Variants in MYCBP2 observed in about 807,000 individuals in gnomAD.
MYCBP2 encodes MYC binding protein 2, also known as E3 ubiquitin-protein ligase MYCBP2.
MYCBP2 carries 120 observed loss-of-function variants against 525.3 expected under a neutral mutation model. That is an observed-to-expected ratio of 0.23 (90% CI 0.20 to 0.27). The LOEUF is 0.27. Among genes scored for constraint, MYCBP2 ranks in the 10% least tolerant of loss-of-function variants. The pLI, the probability that MYCBP2 is intolerant of heterozygous loss-of-function variation, is 1.00. For missense variants in MYCBP2, 4,149 were observed against 5,657.1 expected, an observed-to-expected ratio of 0.73 and a Z score of 8.55; for synonymous variants, 1,894 against 1,955.8, an observed-to-expected ratio of 0.97 and a Z score of 0.83.
At chr13:77,068,949 C>T (rs2040646284) in intron 69 of MYCBP2, 118 bp from the exon 70 acceptor site, 2 of 978,536 alleles carry the variant, frequency 2.0e-6, no homozygotes, top group African/African-American at 3.3e-5. Context: ...CAATTTAATA[C>T]TATTCTCCCA....
intron 18 of MYCBP2, 38 bp downstream of exon 18, chr13:77,233,118 G>A: frequency 6.4e-7 from 1 of 1,553,536 alleles, no homozygotes; most frequent in Non-Finnish European, 8.8e-7. Flanking sequence ...AAGAAATTGG[G>A]AAAGTATCCC....
In MYCBP2 at chr13:77,174,419, G is replaced by A; in HGVS notation, c.5543C>T (p.Thr1848Ile). The change falls in exon 37 of 83, where the codon ACC (threonine) becomes ATC (isoleucine). Residue 1848 changes from threonine (T) to isoleucine (I), a missense_variant. By Grantham distance (89) the Thr-to-Ile change is moderately conservative. Coordinates refer to ENST00000544440, the MANE Select transcript of MYCBP2 (RefSeq NM_015057.5). ...SRTANGDGGM[T>I]TVQCPDGVTF... is the part of the protein sequence containing the mutation. The stretch of plus-strand genomic sequence containing the variant: ...CACACCATCAGGGCACTGAACTGTG[G>A]TCATTCCTCCATCTCCATTGGCTGT... The A allele has an allele frequency of 6.2e-7, 1 of 1,614,096 alleles. No homozygotes were observed. Among genetic ancestry groups the A allele is most frequent in the Non-Finnish European group, 8.5e-7 (1 of 1,180,002 alleles).
At chr13:77,095,869 T>A (rs568018121) in intron 57 of MYCBP2, among the ~76,000 whole-genome samples, 2 of 152,244 alleles carry the variant, frequency 1.3e-5, no homozygotes, top group East Asian at 1.9e-4. Flanking sequence ...TTCATTTTTT[T>A]AAAAAGTAAA....
Position 77,077,351 on chromosome 13 carries a change from TTGTTACCCAGCCAA to T in MYCBP2, c.11507_11520del (p.Ile3836LysfsTer2), listed in dbSNP as rs1414267824. On this transcript the variant is annotated frameshift_variant, in exon 67 of 83. Coordinates refer to ENST00000544440, the MANE Select transcript of MYCBP2 (RefSeq NM_015057.5). LOFTEE classifies it high-confidence loss of function. ...TGATTATCCCCTCCTGGAAGTTCAC[TTGTTACCCAGCCAA>T]TGTGCCTGGAATCCAGATCAACCTG... 6.2e-7 allele frequency: 1 copy of T among 1,614,036 alleles called. No individual in the cohort carries two copies. Among genetic ancestry groups the T allele is most frequent in the East Asian group, 2.2e-5 (1 of 44,890 alleles).
In MYCBP2 at chr13:77,271,496, G is replaced by C. The variant is rs79231242; in HGVS notation, c.946-958C>G. 5.5e-3 allele frequency among the ~76,000 whole-genome samples: 841 copies of C among 152,164 alleles called. 5 individuals carry two copies. The highest frequency in any genetic ancestry group is 0.019 in the African/African-American group (782 of 41,430). ...AGAGTTACACATACTCATATGGTTT[G>C]GTTGTGTTCCCACTCAAATCTCATC... On this transcript the variant is annotated intron_variant, in intron 5 of 82. Transcript: ENST00000544440.
At chr13:77,244,607 A>G (rs1009285151) in intron 15 of MYCBP2, among the ~76,000 whole-genome samples, 9 of 152,258 alleles carry the variant, frequency 5.9e-5, no homozygotes, top group Non-Finnish European at 1.5e-5. Context: ...AGGCATGGGC[A>G]AAGACTTCAT....
intron 14 of MYCBP2, among the ~76,000 whole-genome samples, chr13:77,253,374 C>T (rs948594782): frequency 4.0e-5 from 6 of 151,754 alleles, no homozygotes; most frequent in African/African-American, 1.5e-4. Context: ...CATCCAAATG[C>T]CCAAATACTA....
At chr13:77,265,940 G>C (rs1261261460) in intron 8 of MYCBP2, among the ~76,000 whole-genome samples, 2 of 152,120 alleles carry the variant, frequency 1.3e-5, no homozygotes, top group East Asian at 3.8e-4. Flanking sequence ...CTGAAGTTTG[G>C]TTCATTCTTC....
rs149800496 is a variant in MYCBP2, at chr13:77,144,252, G to A, written c.7303+193C>T. ...TCATGAGGGCTACAGTGCCTGGGCG[G>A]ACACCAGAAATTATTACAAAATGTT... On this transcript the variant is annotated intron_variant, in intron 49 of 82. Transcript: ENST00000544440. The A allele has an allele frequency of 2.6e-3, 1,450 of 562,458 alleles. 23 individuals carry two copies. The highest frequency in any genetic ancestry group is 0.018 in the South Asian group (837 of 47,730). The allele number at this position is 562,458 out of a possible 1,614,324, so 34.8% of individuals were successfully genotyped here.
intron 62 of MYCBP2, among the ~76,000 whole-genome samples, chr13:77,085,546 C>T (rs1202057939): frequency 6.6e-6 from 1 of 152,210 alleles, no homozygotes; most frequent in East Asian, 1.9e-4. Flanking sequence ...GCCACAAATT[C>T]TCTGTCGCTC....
chr13:77,115,353 TA>T (rs2049548315), intron 55 of MYCBP2, among the ~76,000 whole-genome samples: 1 of 151,912 alleles, frequency 6.6e-6, no homozygotes, highest in Non-Finnish European at 1.5e-5. Flanking sequence ...CTAAAAACTA[TA>T]TAATTAGTTT....
In MYCBP2 at chr13:77,070,154, AG is replaced by A. The variant is rs2040925840; in HGVS notation, c.11904+476del. Among the ~76,000 whole-genome samples, 3 of 152,354 alleles carry A rather than the reference AG, an allele frequency of 2.0e-5. No individual in the cohort carries two copies. The South Asian group carries it at 6.2e-4, about 32-fold the overall frequency. ...AATCTACCCATAACAAATAGCAGCA[AG>A]GTAAGCAAGTTTTCATAAGTAAAAT... On this transcript the variant is annotated intron_variant, in intron 69 of 82. Transcript: ENST00000544440.
intron 27 of MYCBP2, among the ~76,000 whole-genome samples, chr13:77,193,450 T>C (rs1409156863): frequency 6.6e-6 from 1 of 152,174 alleles, no homozygotes; most frequent in African/African-American, 2.4e-5. Flanking sequence ...AAGGTTTTCC[T>C]AACATAGTTA....
intron 79 of MYCBP2, among the ~76,000 whole-genome samples, chr13:77,056,110 G>GTGTA (rs2037962929): frequency 7.9e-6 from 1 of 126,818 alleles, no homozygotes; most frequent in African/African-American, 2.8e-5. Flanking sequence ...GTGTGTGTGT[G>GTGTA]TGTGTGTGTG....
intron 23 of MYCBP2, among the ~76,000 whole-genome samples, chr13:77,209,706 T>A (rs1466390930): frequency 6.6e-6 from 1 of 152,232 alleles, no homozygotes; most frequent in Non-Finnish European, 1.5e-5. Context: ...GCCAGGGAGA[T>A]GTAATTGATT....
chr13:77,141,946 G>A lies in MYCBP2; in HGVS notation c.7304-1003C>T, dbSNP rs189374632. On this transcript the variant is annotated intron_variant, in intron 49 of 82. Transcript: ENST00000544440. ...GGAGAAAACTTAGGAAGAAGAGCAG[G>A]GAAGTTGAGTATGGAAGAAAATGGA... 9.8e-4 allele frequency among the ~76,000 whole-genome samples: 149 copies of A among 152,154 alleles called. 1 individual carries two copies. The highest frequency in any genetic ancestry group is 3.4e-3 in the Middle Eastern group (1 of 294).
chr13:77,172,015 C>A (rs1479660778), intron 37 of MYCBP2, among the ~76,000 whole-genome samples: 1 of 152,160 alleles, frequency 6.6e-6, no homozygotes, highest in Non-Finnish European at 1.5e-5. Context: ...ATTCTCCTCC[C>A]TCGGCCTCCC....
intron 52 of MYCBP2, among the ~76,000 whole-genome samples, chr13:77,137,755 A>G (rs1330653691): frequency 6.6e-6 from 1 of 151,926 alleles, no homozygotes; most frequent in African/African-American, 2.4e-5. Context: ...CACCTGGCTA[A>G]TTTTTTGCAT....
In MYCBP2 at chr13:77,166,313, GAA is replaced by G. The variant is rs3832881; in HGVS notation, c.6340+14_6340+15del. The G allele has an allele frequency of 5.0e-6, 7 of 1,393,998 alleles. No individual in the cohort carries two copies. The highest frequency in any genetic ancestry group is 6.8e-6 in the Non-Finnish European group (7 of 1,025,106). 86.4% of individuals were successfully genotyped at this position (1,393,998 alleles called of 1,614,324 possible). On this transcript the variant is annotated intron_variant, in intron 41 of 82. Transcript: ENST00000544440. ...ACTTATTTTACCACATAAAACAGAA[GAA>G]AAAAAAAACTTACCTGGCAACACCA...
Sources: gnomAD v4.1 joint callset for allele counts (sites outside exome capture counted in the v4.1 genomes callset) on GRCh38, gnomAD v4.1.1 for gene constraint, MANE v1.5 for transcripts, NCBI Gene and HGNC (gene_info 2026-07-23, HGNC 2026-07-21) for gene names.